Variants in HSD17B12 observed in about 807,000 individuals in gnomAD.
HSD17B12 encodes hydroxysteroid 17-beta dehydrogenase 12.
In HSD17B12, 32 loss-of-function variants were observed where a neutral mutation model predicts 39.3. The observed-to-expected ratio is 0.81, with a 90% CI of 0.61 to 1.09. The LOEUF (loss-of-function observed/expected upper bound fraction) is 1.09, where lower values mean the gene tolerates loss of function less well. Among genes scored for constraint, HSD17B12 ranks in the 50% least tolerant of loss-of-function variants. The probability of loss-of-function intolerance (pLI) is 0.00; values close to 1 mark genes in which losing one functional copy is unlikely to be tolerated. For synonymous variants in HSD17B12, 150 were observed against 146.7 expected, an observed-to-expected ratio of 1.02 and a Z score of -0.16; for missense variants, 342 against 382.9, an observed-to-expected ratio of 0.89 and a Z score of 0.89.
chr11:43,743,373 A>G (rs777694226), intron 1 of HSD17B12, among the ~76,000 whole-genome samples: 2 of 152,168 alleles, frequency 1.3e-5, no homozygotes, highest in Non-Finnish European at 2.9e-5. Context: ...AGTCACAGCT[A>G]TTGAAGGTGG....
intron 3 of HSD17B12, among the ~76,000 whole-genome samples, chr11:43,755,759 C>G (rs190468463): frequency 6.6e-6 from 1 of 152,288 alleles, no homozygotes; most frequent in East Asian, 1.9e-4. Flanking sequence ...CTATTTCTTT[C>G]CAGACCATAG....
the HSD17B12 span, among the ~76,000 whole-genome samples, chr11:43,652,759 A>G: frequency 6.6e-6 from 1 of 152,144 alleles, no homozygotes; most frequent in Non-Finnish European, 1.5e-5. Flanking sequence ...CACACCCTCC[A>G]GGAAACTTCA....
chr11:43,684,368 A>G (rs1472464054), intron 1 of HSD17B12, among the ~76,000 whole-genome samples: 2 of 152,260 alleles, frequency 1.3e-5, no homozygotes, highest in Non-Finnish European at 2.9e-5. Flanking sequence ...AGTTTGTATT[A>G]AATAAAGGAA....
chr11:43,583,681 G>GT, the HSD17B12 span, among the ~76,000 whole-genome samples: 2 of 99,988 alleles, frequency 2.0e-5, no homozygotes, highest in African/African-American at 8.2e-5. Flanking sequence ...AGGGCAAAGT[G>GT]GGGGGGGGTG....
the HSD17B12 span, among the ~76,000 whole-genome samples, chr11:43,589,066 C>T: frequency 1.3e-5 from 2 of 151,632 alleles, no homozygotes; most frequent in Non-Finnish European, 2.9e-5. Flanking sequence ...TATATCCAGT[C>T]CTAAATTTTC....
At chr11:43,813,676 T>G (rs1017497757) in intron 4 of HSD17B12, among the ~76,000 whole-genome samples, 1 of 152,202 alleles carries the variant, frequency 6.6e-6, no homozygotes, top group Non-Finnish European at 1.5e-5. Flanking sequence ...CTTCAACTAG[T>G]TTTGGCCTAA....
At chr11:43,775,697 T>C (rs1295689718) in intron 3 of HSD17B12, among the ~76,000 whole-genome samples, 2 of 151,860 alleles carry the variant, frequency 1.3e-5, no homozygotes, top group Non-Finnish European at 2.9e-5. Context: ...CATGCTGGTG[T>C]GCTGCACCCA....
chr11:43,685,016 A>G (rs1159565359), intron 1 of HSD17B12, among the ~76,000 whole-genome samples: 3 of 152,160 alleles, frequency 2.0e-5, no homozygotes, highest in East Asian at 1.9e-4. Context: ...AGTTTCATCT[A>G]TGAAATCTGT....
chr11:43,646,899 T>G, the HSD17B12 span, among the ~76,000 whole-genome samples: 1 of 152,240 alleles, frequency 6.6e-6, no homozygotes, highest in Non-Finnish European at 1.5e-5. Context: ...AATCTACTTA[T>G]GTTTTCTGGA....
chr11:43,813,345 C>A (rs963274644), intron 4 of HSD17B12, among the ~76,000 whole-genome samples: 3 of 152,024 alleles, frequency 2.0e-5, no homozygotes, highest in African/African-American at 7.2e-5. Flanking sequence ...TTCAATTTTC[C>A]TTTGCATTTT....
At chr11:43,593,199 G>A in the HSD17B12 span, among the ~76,000 whole-genome samples, 1 of 152,306 alleles carries the variant, frequency 6.6e-6, no homozygotes, top group South Asian at 2.1e-4. Context: ...AAAGCCATTT[G>A]TATCTGAAGC....
chr11:43,570,975 G>C, the HSD17B12 span, among the ~76,000 whole-genome samples: 1 of 152,134 alleles, frequency 6.6e-6, no homozygotes, highest in Non-Finnish European at 1.5e-5. Context: ...CAGCAGATAT[G>C]TTAGTCCATT....
At chr11:43,720,761 T>G (rs942164623) in intron 1 of HSD17B12, among the ~76,000 whole-genome samples, 11 of 152,244 alleles carry the variant, frequency 7.2e-5, no homozygotes, top group African/African-American at 2.4e-4. Flanking sequence ...TTGGAAGATT[T>G]ACTATAGGTG....
chr11:43,564,015 G>A, the HSD17B12 span, among the ~76,000 whole-genome samples: 12 of 151,918 alleles, frequency 7.9e-5, no homozygotes, highest in African/African-American at 2.7e-4. Context: ...ATAGGTGCAC[G>A]CCACCATGCC....
the HSD17B12 span, among the ~76,000 whole-genome samples, chr11:43,584,024 T>C: frequency 2.6e-5 from 4 of 152,304 alleles, no homozygotes; most frequent in African/African-American, 9.6e-5. Context: ...CAAAGTCACC[T>C]GCCCCCAGTG....
At chr11:43,837,252 C>T (rs1332382526) in intron 7 of HSD17B12, among the ~76,000 whole-genome samples, 1 of 152,014 alleles carries the variant, frequency 6.6e-6, no homozygotes, top group Non-Finnish European at 1.5e-5. Flanking sequence ...TAAAGGGGGT[C>T]TTTATAGTCC....
chr11:43,822,452 A>T (rs1951192294), intron 6 of HSD17B12, among the ~76,000 whole-genome samples: 1 of 152,122 alleles, frequency 6.6e-6, no homozygotes, highest in Non-Finnish European at 1.5e-5. Flanking sequence ...CATTTACATT[A>T]GGTATATCTC....
the HSD17B12 span, among the ~76,000 whole-genome samples, chr11:43,635,543 C>A: frequency 6.6e-6 from 1 of 152,114 alleles, no homozygotes; most frequent in African/African-American, 2.4e-5. Flanking sequence ...CAGCTAAGTG[C>A]TGAAATGTTT....
At chr11:43,689,214 C>A (rs1187261969) in intron 1 of HSD17B12, among the ~76,000 whole-genome samples, 2 of 152,200 alleles carry the variant, frequency 1.3e-5, no homozygotes, top group African/African-American at 2.4e-5. Flanking sequence ...TTTGTAAAAA[C>A]CTTAGAGTTA....
Sources: allele counts gnomAD v4.1 joint callset (sites outside exome capture counted in the v4.1 genomes callset), GRCh38; gene constraint gnomAD v4.1.1; transcripts MANE v1.5; gene names NCBI Gene and HGNC (gene_info 2026-07-23, HGNC 2026-07-21).